Variants in CFAP20DC observed in about 807,000 individuals in gnomAD.
CFAP20DC encodes CFAP20 domain containing, also known as protein CFAP20DC.
CFAP20DC carries 84 observed loss-of-function variants against 101.7 expected under a neutral mutation model. The ratio of observed to expected loss-of-function variants is 0.83; its 90% CI spans 0.69 to 0.99. The LOEUF is 0.99. Among genes scored for constraint, CFAP20DC ranks in the 50% least tolerant of loss-of-function variants. The pLI, the probability that CFAP20DC is intolerant of heterozygous loss-of-function variation, is 0.00. For missense variants in CFAP20DC, 1,007 were observed against 970.3 expected (o/e 1.04, Z -0.50); for synonymous variants, 359 against 351.2 (o/e 1.02, Z -0.25).
chr3:58,913,981 A>G lies in CFAP20DC; in HGVS notation c.394-117T>C, dbSNP rs1029201447. 1 of 1,084,070 alleles carries G rather than the reference A, an allele frequency of 9.2e-7. No individual in the cohort carries two copies. 67.2% of individuals were successfully genotyped at this position (1,084,070 alleles called of 1,614,324 possible). On this transcript the variant is annotated intron_variant, in intron 5 of 16. Transcript: ENST00000482387. The surrounding 1 kb of genome is among the most constrained non-coding windows in gnomAD (Gnocchi z 4.4). ...CAGTTATCCTGATCAACAAGCCCCA[A>G]ACTAATTTTCCTCTTTAGGTAAACT...
At chr3:58,856,309 CACACAT>C (rs1163706450) in intron 12 of CFAP20DC, among the ~76,000 whole-genome samples, 54 of 132,824 alleles carry the variant, frequency 4.1e-4, no homozygotes, top group African/African-American at 1.8e-3. Flanking sequence ...CACACACACA[CACACAT>C]AACTGATGGA....
In CFAP20DC at chr3:58,728,230, A is replaced by C. The variant is rs2067583570; in HGVS notation, c.198-10602T>G. ...TAAGTCTATAGTAACATGTTATTATAATTAAATAACGTAATAATGTAATGG... is the reference window on the plus strand; with the variant it reads ...TAAGTCTATAGTAACATGTTATTATCATTAAATAACGTAATAATGTAATGG... On this transcript the variant is annotated intron_variant, in intron 3 of 3. Coordinates refer to the CFAP20DC transcript ENST00000486145. This position sits in a 1 kb window ranked among gnomAD's most constrained non-coding sequence, Gnocchi z 4.7. The C allele has an allele frequency of 6.6e-6, 1 of 152,254 alleles. No homozygotes were observed. The allele number at this position is 152,254 out of a possible 1,614,324, so 9.4% of individuals were successfully genotyped here. A position where few individuals can be genotyped will look rare whatever the true frequency, so the allele number is the denominator to read the frequency against.
intron 15 of CFAP20DC, among the ~76,000 whole-genome samples, chr3:58,787,687 T>A (rs1002890770): frequency 1.3e-5 from 2 of 152,048 alleles, no homozygotes; most frequent in Non-Finnish European, 2.9e-5. Context: ...AAGATGCACA[T>A]GCATGTTTAT....
intron 15 of CFAP20DC, among the ~76,000 whole-genome samples, chr3:58,758,151 G>T (rs1208776025): frequency 6.6e-6 from 1 of 151,956 alleles, no homozygotes; most frequent in Non-Finnish European, 1.5e-5. Flanking sequence ...TTGTTTGTTT[G>T]TTTTGTTTTT....
chr3:58,900,028 A>C (rs994991549), intron 6 of CFAP20DC, among the ~76,000 whole-genome samples: 2 of 152,210 alleles, frequency 1.3e-5, no homozygotes, highest in Non-Finnish European at 2.9e-5. Flanking sequence ...TAATAGCATA[A>C]GGCGTCAGGG....
chr3:59,000,119 C>T (rs1213557538), intron 4 of CFAP20DC, among the ~76,000 whole-genome samples: 1 of 152,228 alleles, frequency 6.6e-6, no homozygotes, highest in African/African-American at 2.4e-5. Flanking sequence ...TCCTTCATTT[C>T]TTCCTTTAAA....
At chr3:58,784,815 T>G (rs868481280) in intron 15 of CFAP20DC, among the ~76,000 whole-genome samples, 1 of 152,086 alleles carries the variant, frequency 6.6e-6, no homozygotes, top group African/African-American at 2.4e-5. Context: ...AGGGAAGTCT[T>G]ATAAACTGTT....
At chr3:58,950,536 C>T (rs1315867349) in intron 4 of CFAP20DC, among the ~76,000 whole-genome samples, 1 of 152,186 alleles carries the variant, frequency 6.6e-6, no homozygotes, top group Non-Finnish European at 1.5e-5. Context: ...GTAACCAAAA[C>T]AGCATGGTAC....
intron 14 of CFAP20DC, among the ~76,000 whole-genome samples, chr3:58,821,298 T>A (rs1457709535): frequency 6.6e-6 from 1 of 152,114 alleles, no homozygotes; most frequent in Non-Finnish European, 1.5e-5. Flanking sequence ...ACAAATGGGA[T>A]CTAGTTAAAC....
intron 4 of CFAP20DC, among the ~76,000 whole-genome samples, chr3:59,037,435 T>TAA (rs534904847): frequency 5.9e-4 from 74 of 124,444 alleles, no homozygotes; most frequent in African/African-American, 1.6e-3. Flanking sequence ...CAATTTACAA[T>TAA]AAAAAAAAAA....
intron 15 of CFAP20DC, among the ~76,000 whole-genome samples, chr3:58,775,285 T>C (rs1459800603): frequency 4.6e-5 from 7 of 152,152 alleles, no homozygotes; most frequent in Admixed American, 3.3e-4. Context: ...GATAAGCTTT[T>C]CCAAAGTAGA....
chr3:58,757,308 T>C (rs2107305865), intron 15 of CFAP20DC, among the ~76,000 whole-genome samples: 1 of 152,190 alleles, frequency 6.6e-6, no homozygotes, highest in South Asian at 2.1e-4. Context: ...TTGTTCTCAT[T>C]ATACGTGGAG....
At chr3:58,890,334 C>A (rs71311900) in intron 6 of CFAP20DC, among the ~76,000 whole-genome samples, 1 of 140,834 alleles carries the variant, frequency 7.1e-6, no homozygotes, top group South Asian at 2.3e-4. Context: ...CCCTCCCGGA[C>A]GGGGCGGCTG....
intron 4 of CFAP20DC, among the ~76,000 whole-genome samples, chr3:58,959,707 AC>A (rs1439507802): frequency 1.4e-4 from 21 of 152,168 alleles, no homozygotes; most frequent in South Asian, 1.0e-3. Context: ...TAATTTTGCC[AC>A]CTTTGTTGTT....
chr3:58,817,905 C>A (rs1209530475), intron 14 of CFAP20DC, among the ~76,000 whole-genome samples: 3 of 150,572 alleles, frequency 2.0e-5, no homozygotes, highest in Non-Finnish European at 4.4e-5. Context: ...GTCGGGTTAC[C>A]CTCAAAGGGA....
intron 6 of CFAP20DC, among the ~76,000 whole-genome samples, chr3:58,885,984 T>G (rs1040045831): frequency 1.8e-4 from 28 of 152,178 alleles, no homozygotes; most frequent in Non-Finnish European, 4.4e-5. Flanking sequence ...TGTAAGCCAT[T>G]TTACTATTAG....
chr3:58,736,180 C>T (rs746759874), intron 3 of CFAP20DC, among the ~76,000 whole-genome samples: 33 of 152,126 alleles, frequency 2.2e-4, no homozygotes, highest in Non-Finnish European at 3.8e-4. Flanking sequence ...AGATACTATG[C>T]TTACTAAGAT....
At chr3:59,049,372 A>G (rs1700126078) in intron 1 of CFAP20DC, among the ~76,000 whole-genome samples, 1 of 152,210 alleles carries the variant, frequency 6.6e-6, no homozygotes. Flanking sequence ...ATCACAGACA[A>G]TTAATTCATC....
intron 16 of CFAP20DC, among the ~76,000 whole-genome samples, chr3:58,743,016 C>T (rs1210016091): frequency 6.6e-6 from 1 of 152,088 alleles, no homozygotes; most frequent in Non-Finnish European, 1.5e-5. Flanking sequence ...TTCAATCATC[C>T]TAAAAAGGCT....
Sources: gnomAD v4.1 joint callset for allele counts (sites outside exome capture counted in the v4.1 genomes callset) on GRCh38, gnomAD v4.1.1 for gene constraint, Gnocchi (gnomAD v3.1) non-coding constraint, MANE v1.5 for transcripts, NCBI Gene and HGNC (gene_info 2026-07-23, HGNC 2026-07-21) for gene names.